Variants in REEP1 observed in about 807,000 individuals in gnomAD.
REEP1 encodes the protein receptor accessory protein 1.
Under a neutral mutation model 40.3 loss-of-function variants are expected in REEP1, and 22 were observed. The observed-to-expected ratio is 0.55, with a 90% CI of 0.39 to 0.78. REEP1 has a LOEUF of 0.78. Ranked by LOEUF, REEP1 falls within the 30% of genes least tolerant of loss-of-function variation. REEP1 has a pLI of 0.00. For missense variants in REEP1, 280 were observed against 361.1 expected, an observed-to-expected ratio of 0.78 and a Z score of 1.82; for synonymous variants, 116 against 139.2, an observed-to-expected ratio of 0.83 and a Z score of 1.17.
intron 1 of REEP1, among the ~76,000 whole-genome samples, chr2:86,303,212 GTTTTTTTTTTTTTT>G (rs35002382): frequency 2.0e-4 from 14 of 69,056 alleles, no homozygotes; most frequent in African/African-American, 6.2e-4. Context: ...CCGGCTAATT[GTTTTTTTTTTTTTT>G]TTTTTTTTTG....
chr2:86,283,441 C>G (rs1231298735), intron 1 of REEP1, among the ~76,000 whole-genome samples: 3 of 152,198 alleles, frequency 2.0e-5, no homozygotes, highest in South Asian at 2.1e-4. Context: ...ACAGACGGAG[C>G]TTTCAGAGTC....
At chr2:86,260,167 G>A (rs1676780701) in intron 3 of REEP1, among the ~76,000 whole-genome samples, 1 of 152,126 alleles carries the variant, frequency 6.6e-6, no homozygotes, top group Non-Finnish European at 1.5e-5. Context: ...TATGACACCT[G>A]GAGGTTGGGA....
In REEP1 at chr2:86,254,979, GCA is replaced by G. The variant is rs1676476976; in HGVS notation, c.183-167_183-166del. ...CCTATGAAGGTGAGGGCACACACTT[GCA>G]CACACACAGTACAACCCCAACGCCT... is the stretch of plus-strand genomic sequence containing the variant. On this transcript the variant is annotated intron_variant, in intron 3 of 8. Transcript: ENST00000538924. The G allele has an allele frequency of 1.6e-5, 11 of 687,524 alleles. No homozygotes were observed. In the East Asian group the frequency reaches 2.9e-4, roughly 18 times the overall value. The allele number at this position is 687,524 out of a possible 1,614,324, so 42.6% of individuals were successfully genotyped here. A position where few individuals can be genotyped will look rare whatever the true frequency, so the allele number is the denominator to read the frequency against.
chr2:86,265,162 A>T (rs965798499), intron 2 of REEP1, among the ~76,000 whole-genome samples: 2 of 152,214 alleles, frequency 1.3e-5, no homozygotes, highest in African/African-American at 4.8e-5. Flanking sequence ...AGATATAAAT[A>T]CATATAGATA....
At chr2:86,283,619 A>C (rs780709468) in intron 1 of REEP1, among the ~76,000 whole-genome samples, 59 of 152,364 alleles carry the variant, frequency 3.9e-4, no homozygotes, top group Non-Finnish European at 6.8e-4. Flanking sequence ...CACAATCATC[A>C]GGTTTCCAGG....
chr2:86,289,596 G>A (rs1474879861), intron 1 of REEP1, among the ~76,000 whole-genome samples: 2 of 151,926 alleles, frequency 1.3e-5, no homozygotes, highest in Non-Finnish European at 1.5e-5. Context: ...GATTTTGATT[G>A]GAATTTCACT....
chr2:86,240,023 GC>G lies in REEP1; in HGVS notation c.418-7222del, dbSNP rs533922394. The G allele has an allele frequency of 6.6e-3, 1,011 of 152,672 alleles. 9 individuals carry two copies. Among genetic ancestry groups the G allele is most frequent in the Non-Finnish European group, 0.011 (763 of 68,028 alleles). 9.5% of individuals were successfully genotyped at this position (152,672 alleles called of 1,614,324 possible). ...GTCACACCTCTCAACAGGGTTACCT[GC>G]CCTTCTCTCAGGTCCAAAGAGAAGA... On this transcript the variant is annotated intron_variant, in intron 5 of 8. Coordinates refer to ENST00000538924, the MANE Select transcript of REEP1 (RefSeq NM_001371279.1).
Position 86,282,239 on chromosome 2 carries a change from A to G in REEP1, c.36T>C (p.Leu12=), listed in dbSNP as rs1249717264. Residue 12 remains leucine (L), a synonymous_variant, in exon 2 of 9, where the codon CTT becomes CTC. Transcript: ENST00000538924. The part of the protein sequence containing the change: ...VSWIISRLVV[L]IFGTLYPAYY... ...ACGCAGGGTAAAGGGTGCCAAATAT[A>G]AGCCTGGAGGGAAGAGAGACAAAAA... The G allele has an allele frequency of 1.2e-6, 2 of 1,602,084 alleles. No individual in the cohort carries two copies. The highest frequency in any genetic ancestry group is 1.7e-6 in the Non-Finnish European group (2 of 1,169,252).
intron 5 of REEP1, among the ~76,000 whole-genome samples, chr2:86,246,031 TG>T (rs1382590924): frequency 6.6e-6 from 1 of 152,204 alleles, no homozygotes; most frequent in East Asian, 1.9e-4. Flanking sequence ...CCCAAAGTGC[TG>T]GGATTACAGG....
intron 1 of REEP1, among the ~76,000 whole-genome samples, chr2:86,335,704 C>T (rs1019818401): frequency 3.3e-5 from 5 of 152,022 alleles, no homozygotes; most frequent in Non-Finnish European, 7.4e-5. Flanking sequence ...CAAAAATTAG[C>T]TGGGCGTGGT....
intron 1 of REEP1, among the ~76,000 whole-genome samples, chr2:86,307,517 C>T (rs187350604): frequency 6.6e-6 from 1 of 152,320 alleles, no homozygotes; most frequent in African/African-American, 2.4e-5. Context: ...AATCCCAATA[C>T]TTTGGGAGGC....
intron 1 of REEP1, among the ~76,000 whole-genome samples, chr2:86,316,947 G>A (rs190133022): frequency 6.6e-6 from 1 of 152,346 alleles, no homozygotes; most frequent in Admixed American, 6.5e-5. Context: ...ACTGAAAACA[G>A]TAAAAAATTC....
intron 2 of REEP1, among the ~76,000 whole-genome samples, chr2:86,276,758 A>G (rs1335311954): frequency 6.6e-6 from 1 of 152,056 alleles, no homozygotes; most frequent in African/African-American, 2.4e-5. Flanking sequence ...GCCTGATGCC[A>G]GCTCCTTGCA....
At chr2:86,253,249 C>T (rs1190133791) in intron 4 of REEP1, among the ~76,000 whole-genome samples, 1 of 152,176 alleles carries the variant, frequency 6.6e-6, no homozygotes, top group Admixed American at 6.5e-5. Context: ...CCACTGCACT[C>T]CAGCCTGGGC....
At chr2:86,324,948 T>A (rs911879511) in intron 1 of REEP1, among the ~76,000 whole-genome samples, 2 of 152,256 alleles carry the variant, frequency 1.3e-5, no homozygotes, top group Admixed American at 6.5e-5. Flanking sequence ...GTTCTAGTTC[T>A]TAAACTGGCG....
chr2:86,306,336 C>T (rs1679477592), intron 1 of REEP1, among the ~76,000 whole-genome samples: 1 of 152,180 alleles, frequency 6.6e-6, no homozygotes, highest in South Asian at 2.1e-4. Flanking sequence ...CTCCACCACC[C>T]TAGCCTAAAA....
At chr2:86,284,823 C>A (rs1317783284) in intron 1 of REEP1, among the ~76,000 whole-genome samples, 2 of 152,200 alleles carry the variant, frequency 1.3e-5, no homozygotes, top group Non-Finnish European at 2.9e-5. Context: ...GCTAGGTCAG[C>A]TGGACTCTTC....
chr2:86,321,489 T>C (rs1248283259), intron 1 of REEP1, among the ~76,000 whole-genome samples: 1 of 152,162 alleles, frequency 6.6e-6, no homozygotes, highest in Admixed American at 6.5e-5. Flanking sequence ...ACAATCTTGA[T>C]ACCAAAACCA....
intron 2 of REEP1, among the ~76,000 whole-genome samples, chr2:86,273,430 C>G (rs1054352484): frequency 6.6e-6 from 1 of 152,006 alleles, no homozygotes; most frequent in African/African-American, 2.4e-5. Context: ...ACTATAGGTG[C>G]ATGCCACCAA....
Sources: gnomAD v4.1 joint callset for allele counts (sites outside exome capture counted in the v4.1 genomes callset) on GRCh38, gnomAD v4.1.1 for gene constraint, MANE v1.5 for transcripts, NCBI Gene and HGNC (gene_info 2026-07-23, HGNC 2026-07-21) for gene names.